The following USH2A variants were observed in gnomAD, a reference collection of about 807,000 sequenced individuals.
USH2A encodes the protein Usher syndrome 2A (autosomal recessive, mild).
Under a neutral mutation model 538.9 loss-of-function variants are expected in USH2A, and 443 were observed. That is an observed-to-expected ratio of 0.82 (90% CI 0.76 to 0.89). The LOEUF is 0.89. Among genes scored for constraint, USH2A ranks in the 40% least tolerant of loss-of-function variants. USH2A has a pLI of 0.00. For synonymous variants in USH2A, 2,413 were observed against 2,273.5 expected (o/e 1.06, Z -1.75); for missense variants, 6,633 against 6,324.8 (o/e 1.05, Z -1.65).
Position 215,965,465 on chromosome 1 carries a change from A to G in USH2A, c.6972T>C (p.Thr2324=). The G allele has an allele frequency of 6.2e-7, 1 of 1,613,636 alleles. No individual in the cohort carries two copies. Among genetic ancestry groups the G allele is most frequent in the East Asian group, 2.2e-5 (1 of 44,864 alleles). ...CTGTTCCTTCAGGAGGAGCTTCTAG[A>G]GTTCGATTTTCCACCTGTGAGTATA... ...CALGPLVENR[T]LEAPPEGTVN... is the part of the protein sequence containing the mutation. Residue 2324 remains threonine, a synonymous_variant, in exon 37 of 72, where the codon ACT becomes ACC. Transcript: ENST00000307340.
chr1:216,218,125 T>A (rs932443368), intron 14 of USH2A, among the ~76,000 whole-genome samples: 1 of 152,008 alleles, frequency 6.6e-6, no homozygotes, highest in Non-Finnish European at 1.5e-5. Flanking sequence ...TATATTTCAT[T>A]TTCTGTTTTA....
intron 3 of USH2A, among the ~76,000 whole-genome samples, chr1:216,407,689 C>A (rs189001110): frequency 6.6e-6 from 1 of 151,996 alleles, no homozygotes; most frequent in African/African-American, 2.4e-5. Flanking sequence ...GACGTTAGTG[C>A]GAATTGTTCA....
chr1:216,279,142 C>T (rs1003865374), intron 11 of USH2A, among the ~76,000 whole-genome samples: 1 of 152,092 alleles, frequency 6.6e-6, no homozygotes, highest in Non-Finnish European at 1.5e-5. Flanking sequence ...CCTATTGATG[C>T]TTTATTGAGC....
intron 71 of USH2A, among the ~76,000 whole-genome samples, chr1:215,627,459 T>G (rs2102623519): frequency 1.4e-5 from 2 of 147,548 alleles, no homozygotes; most frequent in Admixed American, 1.4e-4. Context: ...CTTCCTTCCT[T>G]CCTTCCTTCC....
At chr1:215,664,614 G>A (rs889199790) in intron 64 of USH2A, among the ~76,000 whole-genome samples, 1 of 152,180 alleles carries the variant, frequency 6.6e-6, no homozygotes, top group South Asian at 2.1e-4. Flanking sequence ...GAGCTGGAGG[G>A]TGCTTCCTTT....
chr1:215,975,302 T>C (rs1182195240), intron 35 of USH2A, among the ~76,000 whole-genome samples: 2 of 152,204 alleles, frequency 1.3e-5, no homozygotes, highest in Non-Finnish European at 2.9e-5. Flanking sequence ...TGATAGTTTA[T>C]TTTGCTGTGC....
chr1:216,078,267 T>C lies in USH2A; in HGVS notation c.5394A>G (p.Gly1798=), dbSNP rs2031822111. The change falls in exon 27 of 72, where the codon GGA becomes GGG. Residue 1798 remains glycine (G), a synonymous_variant. Coordinates refer to ENST00000307340, the MANE Select transcript of USH2A (RefSeq NM_206933.4). ...DLLLGLSYCN[G]KWNKVIIKKE... is the part of the protein sequence containing the mutation. ...TTTTAATAATGACTTTATTCCACTT[T>C]CCATTACAATAGGATAGCCCCAGCA... The C allele has an allele frequency of 1.2e-6, 2 of 1,613,688 alleles. No homozygotes were observed. Among genetic ancestry groups the C allele is most frequent in the South Asian group, 2.2e-5 (2 of 91,086 alleles).
intron 50 of USH2A, among the ~76,000 whole-genome samples, chr1:215,791,497 CAT>C (rs1486635178): frequency 6.6e-6 from 1 of 152,202 alleles, no homozygotes; most frequent in African/African-American, 2.4e-5. Flanking sequence ...TTTATCCACA[CAT>C]GACTCCAAAG....
At chr1:215,662,478 G>C (rs964539387) in intron 64 of USH2A, among the ~76,000 whole-genome samples, 2 of 152,154 alleles carry the variant, frequency 1.3e-5, no homozygotes, top group Non-Finnish European at 2.9e-5. Context: ...AAGTCCTAAG[G>C]GTTGCCATGA....
intron 32 of USH2A, among the ~76,000 whole-genome samples, chr1:216,020,666 A>G (rs1668825154): frequency 6.6e-6 from 1 of 152,160 alleles, no homozygotes; most frequent in Non-Finnish European, 1.5e-5. Flanking sequence ...CCTTGATTAG[A>G]AGCTTGGAAC....
chr1:216,292,445 T>C lies in USH2A; in HGVS notation c.1645-75A>G. 2.7e-6 allele frequency: 4 copies of C among 1,482,548 alleles called. No individual in the cohort carries two copies. In the East Asian group the frequency reaches 9.7e-5, roughly 36 times the overall value. 91.8% of individuals were successfully genotyped at this position (1,482,548 alleles called of 1,614,324 possible). A position where few individuals can be genotyped will look rare whatever the true frequency, so the allele number is the denominator to read the frequency against. ...TTTCATTTTATTGATATGTTAGGCC[T>C]TTCACCAGAAGTAAAGCACATATCA... is the stretch of plus-strand genomic sequence containing the variant. On this transcript the variant is annotated intron_variant, in intron 9 of 71. Coordinates refer to ENST00000307340, the MANE Select transcript of USH2A (RefSeq NM_206933.4).
intron 2 of USH2A, among the ~76,000 whole-genome samples, chr1:216,419,707 G>T (rs2039643176): frequency 6.6e-6 from 1 of 152,080 alleles, no homozygotes. Flanking sequence ...CTCAAAAAAT[G>T]ATGAGTTTGT....
intron 70 of USH2A, 24 bp from the exon 71 acceptor site, chr1:215,629,059 A>G (rs73087440): frequency 0.014 from 22,319 of 1,601,242 alleles, 640 homozygotes; most frequent in African/African-American, 0.089. Flanking sequence ...TGCTGTGAGT[A>G]TTTCACATAT....
intron 4 of USH2A, among the ~76,000 whole-genome samples, chr1:216,350,831 C>T (rs1463112382): frequency 2.6e-5 from 4 of 152,302 alleles, no homozygotes; most frequent in Middle Eastern, 3.4e-3. Context: ...TTCCACAAGG[C>T]AATGTCCTAG....
At chr1:216,272,852 C>G (rs1055290516) in intron 11 of USH2A, among the ~76,000 whole-genome samples, 8 of 151,996 alleles carry the variant, frequency 5.3e-5, no homozygotes, top group African/African-American at 1.9e-4. Context: ...CGAGCTTGAG[C>G]TTTCAGTTTT....
intron 11 of USH2A, among the ~76,000 whole-genome samples, chr1:216,280,931 G>C (rs1192555423): frequency 6.6e-6 from 1 of 152,144 alleles, no homozygotes; most frequent in Non-Finnish European, 1.5e-5. Context: ...ATTAAGGATT[G>C]AAATTGCATG....
intron 44 of USH2A, among the ~76,000 whole-genome samples, chr1:215,853,048 G>T (rs1460669326): frequency 1.3e-5 from 2 of 152,218 alleles, no homozygotes; most frequent in Non-Finnish European, 2.9e-5. Flanking sequence ...CAGTGTGGAG[G>T]CACCCACCCC....
rs191605479 is a variant in USH2A, at chr1:215,864,261, C to G, written c.8845+2746G>C. 2.4e-3 allele frequency among the ~76,000 whole-genome samples: 369 copies of G among 152,222 alleles called. 6 individuals carry two copies. Among genetic ancestry groups the G allele is most frequent in the Non-Finnish European group, 1.7e-3 (118 of 68,014 alleles). On this transcript the variant is annotated intron_variant, in intron 44 of 71. Coordinates refer to ENST00000307340, the MANE Select transcript of USH2A (RefSeq NM_206933.4). Reference sequence around the variant, plus strand: ...CTAAGTTTGAGTTTGGGAACTGGTACTTTCTATAATTTTTGGTAAGTTACT... The same window carrying G: ...CTAAGTTTGAGTTTGGGAACTGGTAGTTTCTATAATTTTTGGTAAGTTACT...
chr1:215,663,826 C>T (rs551177307), intron 64 of USH2A, among the ~76,000 whole-genome samples: 1 of 152,254 alleles, frequency 6.6e-6, no homozygotes, highest in East Asian at 1.9e-4. Context: ...ACTCATTTAA[C>T]CTCAGAGCAA....
Sources: gnomAD v4.1 joint callset for allele counts (sites outside exome capture counted in the v4.1 genomes callset) on GRCh38, gnomAD v4.1.1 for gene constraint, MANE v1.5 for transcripts, NCBI Gene and HGNC (gene_info 2026-07-23, HGNC 2026-07-21) for gene names.